The following TBC1D13 variants were observed in gnomAD, a reference collection of about 807,000 sequenced individuals.
TBC1D13 encodes the protein epididymis secretory sperm binding protein.
Under a neutral mutation model 53.6 loss-of-function variants are expected in TBC1D13, and 40 were observed. The observed-to-expected ratio is 0.75, with a 90% CI of 0.58 to 0.97. TBC1D13 has a LOEUF of 0.97. Among genes scored for constraint, TBC1D13 ranks in the 50% least tolerant of loss-of-function variants. The pLI is 0.00. For synonymous variants in TBC1D13, 182 were observed against 197.7 expected (o/e 0.92, Z 0.67); for missense variants, 377 against 499.4 (o/e 0.75, Z 2.34).
In TBC1D13 at chr9:128,800,367, C is replaced by CTTTTTTTTT. The variant is rs780656078; in HGVS notation, c.544-2868_544-2860dup. Among the ~76,000 whole-genome samples the CTTTTTTTTT allele has an allele frequency of 2.8e-5, 3 of 106,710 alleles. 1 individual carries two copies. The highest frequency in any genetic ancestry group is 4.2e-5 in the African/African-American group (1 of 23,898). The allele number at this position is 106,710 out of a possible 152,430, so 70.0% of individuals were successfully genotyped here. On this transcript the variant is annotated intron_variant, in intron 7 of 11. Transcript: ENST00000372648. ...CATCATCTCTTTATTTATCTTCCAA[C>CTTTTTTTTT]TTTTTTTTTTTTTTTTTTTTTTTGA... is the stretch of plus-strand genomic sequence containing the variant.
In TBC1D13 at chr9:128,808,731, G is replaced by A. The variant is rs1162584124; in HGVS notation, c.*852G>A. ...AGGTCAAGCTTGGCCTTTGCCTCCTGTTCCCATCCCCCAGCCCTGGCTCCT... is the reference window on the plus strand; with the variant it reads ...AGGTCAAGCTTGGCCTTTGCCTCCTATTCCCATCCCCCAGCCCTGGCTCCT... On this transcript the variant is annotated 3_prime_UTR_variant, in exon 12 of 12. Coordinates refer to ENST00000372648, the MANE Select transcript of TBC1D13 (RefSeq NM_018201.5). 6.6e-6 allele frequency: 1 copy of A among 152,444 alleles called. No homozygotes were observed. Among genetic ancestry groups the A allele is most frequent in the African/African-American group, 2.4e-5 (1 of 41,416 alleles). The allele number at this position is 152,444 out of a possible 1,614,324, so 9.4% of individuals were successfully genotyped here. A position where few individuals can be genotyped will look rare whatever the true frequency, so the allele number is the denominator to read the frequency against.
intron 7 of TBC1D13, among the ~76,000 whole-genome samples, chr9:128,802,533 C>T (rs1413280706): frequency 6.6e-6 from 1 of 152,150 alleles, no homozygotes; most frequent in East Asian, 1.9e-4. Context: ...ACTGCTCTGA[C>T]TTTTAGCACC....
chr9:128,797,918 A>G (rs2132541652), intron 7 of TBC1D13, among the ~76,000 whole-genome samples: 1 of 152,280 alleles, frequency 6.6e-6, no homozygotes, highest in African/African-American at 2.4e-5. Context: ...GACCAGCCTG[A>G]CTAACCCGGG....
rs575182654 is a variant in TBC1D13, at chr9:128,810,136, T to C, written c.*2257T>C. ...CACAGGGACCAGGCCTTGGTTAGGCTGAGCTCCCAGCAGGACACCGCCTGC... is the reference window on the plus strand; with the variant it reads ...CACAGGGACCAGGCCTTGGTTAGGCCGAGCTCCCAGCAGGACACCGCCTGC... On this transcript the variant is annotated 3_prime_UTR_variant, in exon 12 of 12. Transcript: ENST00000372648. 6.6e-6 allele frequency: 1 copy of C among 152,232 alleles called. No homozygotes were observed. Among genetic ancestry groups the C allele is most frequent in the Non-Finnish European group, 1.5e-5 (1 of 68,070 alleles). 9.4% of individuals were successfully genotyped at this position (152,232 alleles called of 1,614,324 possible). A position where few individuals can be genotyped will look rare whatever the true frequency, so the allele number is the denominator to read the frequency against.
intron 6 of TBC1D13, among the ~76,000 whole-genome samples, chr9:128,793,106 G>A (rs915458882): frequency 2.6e-5 from 4 of 152,238 alleles, no homozygotes; most frequent in African/African-American, 9.6e-5. Flanking sequence ...GAAGAGTGCA[G>A]CAAAGGCCAT....
At chr9:128,792,636 T>C in intron 6 of TBC1D13, 62 bp downstream of exon 6, 1 of 1,486,176 alleles carries the variant, frequency 6.7e-7, no homozygotes, top group Admixed American at 1.8e-5. Flanking sequence ...TCTGCAGCTC[T>C]GTCTTTTCCA....
intron 6 of TBC1D13, among the ~76,000 whole-genome samples, chr9:128,796,593 C>A (rs115123795): frequency 2.0e-5 from 3 of 151,814 alleles, no homozygotes; most frequent in African/African-American, 7.3e-5. Flanking sequence ...CCATGTTGGC[C>A]GGGCTGGTCT....
Position 128,792,570 on chromosome 9 carries a change from G to A in TBC1D13, c.379G>A (p.Val127Ile). 1 of 1,613,990 alleles carries A rather than the reference G, an allele frequency of 6.2e-7. No individual in the cohort carries two copies. The highest frequency in any genetic ancestry group is 8.5e-7 in the Non-Finnish European group (1 of 1,179,896). Residue 127 changes from valine (V) to isoleucine (I), a missense_variant, in exon 6 of 12, where the codon GTC (valine) becomes ATC (isoleucine). Transcript: ENST00000372648. ...GGTGCTGCTGCAGATCGACAAAGAT[G>A]TCCGGTAGGCAGGGTGCCTGGGGCC... The part of the protein sequence containing the change: ...NEVLLQIDKD[V>I]RRLCPDISFF...
Position 128,791,397 on chromosome 9 carries a change from T to C in TBC1D13, c.156T>C (p.Leu52=). 1 of 1,614,058 alleles carries C rather than the reference T, an allele frequency of 6.2e-7. No homozygotes were observed. Among genetic ancestry groups the C allele is most frequent in the East Asian group, 2.2e-5 (1 of 44,870 alleles). Residue 52 remains leucine, a synonymous_variant, in exon 4 of 12, where the codon CTT becomes CTC. Coordinates refer to ENST00000372648, the MANE Select transcript of TBC1D13 (RefSeq NM_018201.5). The stretch of plus-strand genomic sequence containing the variant: ...CTGTGCAGATTCTCTTGAACTACCT[T>C]CCCTTGGAGAGAGCCTCATGGACCT... ...CLCWKILLNY[L]PLERASWTSI...
chr9:128,793,769 G>T (rs1055081076), intron 6 of TBC1D13, among the ~76,000 whole-genome samples: 6 of 152,130 alleles, frequency 3.9e-5, no homozygotes, highest in Middle Eastern at 3.2e-3. Flanking sequence ...ACTCTGACCC[G>T]CAGTGACCCT....
chr9:128,791,505 G>A, intron 4 of TBC1D13, 64 bp downstream of exon 4: 1 of 1,608,596 alleles, frequency 6.2e-7, no homozygotes, highest in Non-Finnish European at 8.5e-7. Context: ...AGTACCGCTG[G>A]GGCCGCCCTG....
intron 10 of TBC1D13, 71 bp from the exon 11 acceptor site, chr9:128,806,183 G>C (rs112003419): frequency 6.2e-7 from 1 of 1,610,028 alleles, no homozygotes; most frequent in Non-Finnish European, 8.5e-7. Context: ...GGTGGGTAGG[G>C]AGGGAGGAGT....
intron 10 of TBC1D13, 65 bp downstream of exon 10, chr9:128,806,084 A>T: frequency 6.3e-7 from 1 of 1,588,524 alleles, no homozygotes. Flanking sequence ...AGACAGGAGG[A>T]CCCTCCGCCC....
intron 2 of TBC1D13, among the ~76,000 whole-genome samples, chr9:128,788,622 G>C (rs1425561416): frequency 6.6e-6 from 1 of 152,228 alleles, no homozygotes. Flanking sequence ...CAGAGGGGCA[G>C]TGGCCACACT....
At chr9:128,807,773 A>G (rs369767854) in intron 11 of TBC1D13, 41 bp from the exon 12 acceptor site, 45 of 1,606,114 alleles carry the variant, frequency 2.8e-5, no homozygotes, top group Non-Finnish European at 3.6e-5. Flanking sequence ...GCAGGGGTGA[A>G]GTGGCTTCAG....
intron 7 of TBC1D13, among the ~76,000 whole-genome samples, chr9:128,800,068 CTG>C (rs1242166152): frequency 2.6e-5 from 4 of 152,176 alleles, no homozygotes; most frequent in Non-Finnish European, 4.4e-5. Flanking sequence ...TGATGTGTGT[CTG>C]TGTGTGTGAA....
chr9:128,809,273 G>T lies in TBC1D13; in HGVS notation c.*1394G>T, dbSNP rs373530663. Reference sequence around the variant, plus strand: ...CTGGAGCAGGTGTACCCTGAGCAGGGGCAGCTGGCCACTCCCAGTTCTCAC... The same window carrying T: ...CTGGAGCAGGTGTACCCTGAGCAGGTGCAGCTGGCCACTCCCAGTTCTCAC... On this transcript the variant is annotated 3_prime_UTR_variant, in exon 12 of 12. Transcript: ENST00000372648. 7 of 152,358 alleles carry T rather than the reference G, an allele frequency of 4.6e-5. No individual in the cohort carries two copies. Among genetic ancestry groups the T allele is most frequent in the Non-Finnish European group, 1.0e-4 (7 of 68,178 alleles). The allele number at this position is 152,358 out of a possible 1,614,324, so 9.4% of individuals were successfully genotyped here.
Position 128,788,475 on chromosome 9 carries a change from C to G in TBC1D13, c.97+68C>G. The G allele has an allele frequency of 3.5e-6, 5 of 1,447,104 alleles. 1 individual carries two copies. Among genetic ancestry groups the G allele is most frequent in the Non-Finnish European group, 4.8e-6 (5 of 1,034,208 alleles). The allele number at this position is 1,447,104 out of a possible 1,614,324, so 89.6% of individuals were successfully genotyped here. The stretch of plus-strand genomic sequence containing the variant: ...CCTGTGGCTAGAATACAGGGGGAGG[C>G]CACACCTGGTCAGCTCTGGGGCCCA... On this transcript the variant is annotated intron_variant, in intron 2 of 11. Coordinates refer to ENST00000372648, the MANE Select transcript of TBC1D13 (RefSeq NM_018201.5).
chr9:128,804,740 T>TG (rs1354084739), intron 9 of TBC1D13, among the ~76,000 whole-genome samples: 33 of 142,508 alleles, frequency 2.3e-4, no homozygotes, highest in East Asian at 4.1e-4. Context: ...TTTTTTTTTT[T>TG]TTTTTGAGAA....
Sources: allele counts gnomAD v4.1 joint callset (sites outside exome capture counted in the v4.1 genomes callset), GRCh38; gene constraint gnomAD v4.1.1; transcripts MANE v1.5; gene names NCBI Gene and HGNC (gene_info 2026-07-23, HGNC 2026-07-21).